PLCE1: variants seen among roughly 807,000 people sequenced by gnomAD.
PLCE1 encodes the protein phospholipase C epsilon 1, also known as 1-phosphatidylinositol 4,5-bisphosphate phosphodiesterase epsilon-1.
PLCE1 carries 119 observed loss-of-function variants against 242.8 expected under a neutral mutation model. The ratio of observed to expected loss-of-function variants is 0.49; its 90% CI spans 0.42 to 0.57. The LOEUF is 0.57. PLCE1 is among the 20% of genes least tolerant of loss of function. PLCE1 has a pLI of 0.00. For synonymous variants in PLCE1, 945 were observed against 1,017.4 expected, an observed-to-expected ratio of 0.93 and a Z score of 1.35; for missense variants, 2,441 against 2,788.8, an observed-to-expected ratio of 0.88 and a Z score of 2.81.
intron 19 of PLCE1, among the ~76,000 whole-genome samples, chr10:94,277,846 G>A (rs755787499): frequency 2.0e-5 from 3 of 152,166 alleles, no homozygotes; most frequent in Admixed American, 6.5e-5. Flanking sequence ...TTGAAGACTC[G>A]TGATGCCCTT....
intron 1 of PLCE1, among the ~76,000 whole-genome samples, chr10:94,020,961 C>A (rs1448264524): frequency 6.6e-6 from 1 of 152,084 alleles, no homozygotes; most frequent in Non-Finnish European, 1.5e-5. Flanking sequence ...TCCTGAGTAA[C>A]TGGGATTACA....
rs373593323 is a variant in PLCE1, at chr10:94,265,834, A to C, written c.4157A>C (p.Glu1386Ala). The change falls in exon 16 of 33, where the codon GAG becomes GCG. Residue 1386 changes from glutamate to alanine, a missense_variant. Glu to Ala is a moderately radical substitution (Grantham distance 107, BLOSUM62 -1). Transcript: ENST00000371380. ...GAAAATTTTGCCTCAAAAAATGATG[A>C]GTCACAGGAGAACATTAAAGAACTG... is the stretch of plus-strand genomic sequence containing the variant. ...DKENFASKND[E>A]SQENIKELQL... The C allele has an allele frequency of 6.2e-7, 1 of 1,613,996 alleles. No individual in the cohort carries two copies. Among genetic ancestry groups the C allele is most frequent in the Non-Finnish European group, 8.5e-7 (1 of 1,180,004 alleles).
intron 3 of PLCE1, among the ~76,000 whole-genome samples, chr10:94,160,489 GT>G (rs2047574812): frequency 6.6e-6 from 1 of 152,012 alleles, no homozygotes; most frequent in Non-Finnish European, 1.5e-5. Context: ...TTGTAAATTT[GT>G]TTGAGTTCAT....
chr10:94,085,349 G>C (rs567141089), intron 2 of PLCE1, among the ~76,000 whole-genome samples: 2 of 152,170 alleles, frequency 1.3e-5, no homozygotes, highest in Admixed American at 6.5e-5. Context: ...GAGGAGGAGG[G>C]GAGAATTGAT....
intron 16 of PLCE1, 145 bp from the exon 17 acceptor site, chr10:94,268,784 T>G: frequency 1.5e-6 from 1 of 672,566 alleles, no homozygotes. Context: ...TTGGCAAAAA[T>G]GCCATGTTTG....
chr10:94,152,401 C>G (rs563775154), intron 3 of PLCE1, among the ~76,000 whole-genome samples: 2 of 152,268 alleles, frequency 1.3e-5, no homozygotes, highest in East Asian at 3.9e-4. Flanking sequence ...ACAAGTGGAA[C>G]GCTGCAAATC....
chr10:94,047,025 C>A (rs764143076), intron 2 of PLCE1, among the ~76,000 whole-genome samples: 1 of 151,920 alleles, frequency 6.6e-6, no homozygotes, highest in Non-Finnish European at 1.5e-5. Flanking sequence ...AAATAAAAAA[C>A]CTTTTAAAAA....
At chr10:94,233,314 T>C (rs1234191466) in intron 5 of PLCE1, among the ~76,000 whole-genome samples, 1 of 152,116 alleles carries the variant, frequency 6.6e-6, no homozygotes, top group African/African-American at 2.4e-5. Flanking sequence ...ACAGAAGAGG[T>C]GAAAACAATG....
chr10:94,250,049 A>G (rs1193420134), intron 8 of PLCE1, among the ~76,000 whole-genome samples: 3 of 151,412 alleles, frequency 2.0e-5, no homozygotes, highest in Non-Finnish European at 4.4e-5. Flanking sequence ...TTTTTAAGGA[A>G]TCTATTTTCT....
At chr10:94,304,741 T>A in intron 25 of PLCE1, 96 bp downstream of exon 25, 1 of 1,222,224 alleles carries the variant, frequency 8.2e-7, no homozygotes, top group South Asian at 1.2e-5. Context: ...AGCTGTCATG[T>A]CACAATTTGG....
intron 2 of PLCE1, among the ~76,000 whole-genome samples, chr10:94,126,086 G>C (rs2046428008): frequency 6.6e-6 from 1 of 152,150 alleles, no homozygotes; most frequent in East Asian, 1.9e-4. Context: ...TCTTTCATGA[G>C]TCACAAGGAA....
At chr10:94,278,113 CT>C (rs1204369535) in intron 19 of PLCE1, among the ~76,000 whole-genome samples, 1 of 152,122 alleles carries the variant, frequency 6.6e-6, no homozygotes, top group African/African-American at 2.4e-5. Flanking sequence ...TTGTATCTTC[CT>C]TATGTATACA....
intron 1 of PLCE1, among the ~76,000 whole-genome samples, chr10:94,014,486 T>C (rs1423301330): frequency 1.3e-5 from 2 of 151,386 alleles, no homozygotes; most frequent in Non-Finnish European, 2.9e-5. Context: ...ATGTCTGTAG[T>C]CCCAGCTGAA....
intron 2 of PLCE1, among the ~76,000 whole-genome samples, chr10:94,063,178 C>A (rs975398968): frequency 2.0e-5 from 3 of 152,228 alleles, no homozygotes; most frequent in Non-Finnish European, 4.4e-5. Context: ...ACTCACCACT[C>A]TCCCTCCTAC....
intron 17 of PLCE1, 151 bp from the exon 18 acceptor site, chr10:94,270,335 T>C: frequency 1.4e-6 from 1 of 734,210 alleles, no homozygotes; most frequent in Admixed American, 1.8e-5. Flanking sequence ...AATGGCCTTA[T>C]CCTCATGCTT....
At chr10:94,057,112 T>C (rs886391373) in intron 2 of PLCE1, among the ~76,000 whole-genome samples, 42 of 152,194 alleles carry the variant, frequency 2.8e-4, no homozygotes, top group Non-Finnish European at 2.4e-4. Flanking sequence ...TCTGTGAACA[T>C]TCATATGCAA....
chr10:94,211,679 T>C (rs1005979668), intron 4 of PLCE1, among the ~76,000 whole-genome samples: 1 of 152,256 alleles, frequency 6.6e-6, no homozygotes, highest in African/African-American at 2.4e-5. Flanking sequence ...TCTTCCTTCA[T>C]GTCTTGGTTT....
rs2054120873 is a variant in PLCE1 at position 94,328,795 on chromosome 10, T to C, written c.*852T>C. ...AATATTGGGTTTTTTTTAAGGTTAT[T>C]GCCTATTCAGTTAATAGGGTTGCTT... On this transcript the variant is annotated 3_prime_UTR_variant, in exon 33 of 33. Coordinates refer to ENST00000371380, the MANE Select transcript of PLCE1 (RefSeq NM_016341.4). The C allele has an allele frequency of 6.6e-6, 1 of 152,212 alleles. No homozygotes were observed. The highest frequency in any genetic ancestry group is 1.5e-5 in the Non-Finnish European group (1 of 68,046). 9.4% of individuals were successfully genotyped at this position (152,212 alleles called of 1,614,324 possible).
chr10:94,189,904 T>C (rs2048605487), intron 4 of PLCE1, among the ~76,000 whole-genome samples: 1 of 152,218 alleles, frequency 6.6e-6, no homozygotes, highest in Non-Finnish European at 1.5e-5. Context: ...CCCTGTTACT[T>C]ATTAGCAGTG....
Sources: allele counts gnomAD v4.1 joint callset (sites outside exome capture counted in the v4.1 genomes callset), GRCh38; gene constraint gnomAD v4.1.1; transcripts MANE v1.5; gene names NCBI Gene and HGNC (gene_info 2026-07-23, HGNC 2026-07-21).